CTNNA3: variants seen among roughly 807,000 people sequenced by gnomAD.
The protein encoded by CTNNA3 is catenin alpha-3.
A neutral mutation model predicts 95.7 loss-of-function variants in CTNNA3; 76 were observed. The ratio of observed to expected loss-of-function variants is 0.79; its 90% CI spans 0.66 to 0.96. The LOEUF (loss-of-function observed/expected upper bound fraction) is 0.96. Among genes scored for constraint, CTNNA3 ranks in the 40% least tolerant of loss-of-function variants. The pLI, the probability that CTNNA3 is intolerant of heterozygous loss-of-function variation, is 0.00. For missense variants in CTNNA3, 1,191 were observed against 1,089.8 expected (o/e 1.09, Z -1.31); for synonymous variants, 431 against 374.4 (o/e 1.15, Z -1.74).
chr10:66,999,474 T>A (rs1264879604), intron 7 of CTNNA3, among the ~76,000 whole-genome samples: 1 of 152,000 alleles, frequency 6.6e-6, no homozygotes, highest in Admixed American at 6.6e-5. Flanking sequence ...TCATCTTGTA[T>A]GGATCAGAAC....
intron 11 of CTNNA3, among the ~76,000 whole-genome samples, chr10:66,455,889 C>T (rs2093491985): frequency 6.6e-6 from 1 of 152,156 alleles, no homozygotes; most frequent in Non-Finnish European, 1.5e-5. Flanking sequence ...GATCAACATA[C>T]AACAAAACAA....
intron 7 of CTNNA3, among the ~76,000 whole-genome samples, chr10:66,858,059 A>G (rs1012512510): frequency 6.6e-6 from 1 of 151,920 alleles, no homozygotes; most frequent in Admixed American, 6.6e-5. Context: ...GGCTGTTATT[A>G]TTTTGAAGTA....
chr10:67,440,475 C>A (rs1031199052), intron 5 of CTNNA3, among the ~76,000 whole-genome samples: 3 of 152,030 alleles, frequency 2.0e-5, no homozygotes, highest in Non-Finnish European at 4.4e-5. Flanking sequence ...GATTGTAGAA[C>A]CCTAGAATGA....
At chr10:66,189,451 A>G (rs994458701) in intron 13 of CTNNA3, among the ~76,000 whole-genome samples, 1 of 151,660 alleles carries the variant, frequency 6.6e-6, no homozygotes, top group African/African-American at 2.4e-5. Context: ...TCCAAACACC[A>G]TTTATTTCCC....
chr10:67,736,390 C>A (rs960210738), intron 1 of CTNNA3, among the ~76,000 whole-genome samples: 1 of 151,538 alleles, frequency 6.6e-6, no homozygotes, highest in Admixed American at 6.6e-5. Flanking sequence ...TTTAATGTTC[C>A]TGAATAGTTC....
intron 12 of CTNNA3, among the ~76,000 whole-genome samples, chr10:66,290,797 C>T (rs2091668640): frequency 6.6e-6 from 1 of 152,080 alleles, no homozygotes; most frequent in African/African-American, 2.4e-5. Flanking sequence ...AAGTGAGTCA[C>T]AAATTATTCG....
intron 12 of CTNNA3, among the ~76,000 whole-genome samples, chr10:66,289,761 A>C (rs2091648256): frequency 6.6e-6 from 1 of 152,074 alleles, no homozygotes; most frequent in Non-Finnish European, 1.5e-5. Context: ...AAGTCTATAC[A>C]AGAAAATGAA....
intron 15 of CTNNA3, among the ~76,000 whole-genome samples, chr10:66,043,403 T>G (rs2079750295): frequency 1.3e-5 from 2 of 152,200 alleles, no homozygotes; most frequent in Non-Finnish European, 2.9e-5. Flanking sequence ...CATGTCTTTT[T>G]TTAGGTTAAT....
chr10:66,259,832 G>C (rs569137991), intron 13 of CTNNA3, among the ~76,000 whole-genome samples: 4 of 152,278 alleles, frequency 2.6e-5, no homozygotes, highest in African/African-American at 9.6e-5. Flanking sequence ...CTATGATAGA[G>C]TCTATTTCTA....
chr10:65,934,853 C>G (rs1214468754), intron 17 of CTNNA3, among the ~76,000 whole-genome samples: 1 of 151,854 alleles, frequency 6.6e-6, no homozygotes, highest in Non-Finnish European at 1.5e-5. Flanking sequence ...GATTGAGGAC[C>G]GATATAAGAT....
intron 2 of CTNNA3, among the ~76,000 whole-genome samples, chr10:67,625,356 C>T (rs1838918919): frequency 6.6e-6 from 1 of 152,172 alleles, no homozygotes; most frequent in African/African-American, 2.4e-5. Context: ...AACACCTCCT[C>T]AACCATCTGT....
At chr10:66,825,159 T>C (rs1270085689) in intron 7 of CTNNA3, among the ~76,000 whole-genome samples, 2 of 150,092 alleles carry the variant, frequency 1.3e-5, no homozygotes, top group East Asian at 3.9e-4. Context: ...AGAACAATGC[T>C]TGACATATAG....
At chr10:67,563,364 C>G (rs769433468) in intron 3 of CTNNA3, among the ~76,000 whole-genome samples, 34 of 152,276 alleles carry the variant, frequency 2.2e-4, no homozygotes, top group Middle Eastern at 3.4e-3. Flanking sequence ...TGATCTTTGA[C>G]AAACCTGAGA....
At chr10:66,996,348 T>C (rs888650291) in intron 7 of CTNNA3, among the ~76,000 whole-genome samples, 1 of 152,106 alleles carries the variant, frequency 6.6e-6, no homozygotes, top group Non-Finnish European at 1.5e-5. Flanking sequence ...TAAGCTTGTT[T>C]AATAATGCAT....
At chr10:67,305,212 C>T (rs1272035256) in intron 5 of CTNNA3, among the ~76,000 whole-genome samples, 3 of 151,954 alleles carry the variant, frequency 2.0e-5, no homozygotes, top group Non-Finnish European at 4.4e-5. Context: ...GGAGGTGGAG[C>T]TTGCAGTGAG....
chr10:67,603,777 G>A (rs1019074450), intron 3 of CTNNA3, among the ~76,000 whole-genome samples: 5 of 152,052 alleles, frequency 3.3e-5, no homozygotes, highest in Non-Finnish European at 5.9e-5. Context: ...AGTAAGCTAC[G>A]GTTAACTTAT....
At chr10:67,706,278 G>A (rs1392406496) in intron 1 of CTNNA3, among the ~76,000 whole-genome samples, 3 of 152,046 alleles carry the variant, frequency 2.0e-5, no homozygotes, top group African/African-American at 7.2e-5. Flanking sequence ...TCTGGAGCTT[G>A]TAAGCACATA....
intron 5 of CTNNA3, among the ~76,000 whole-genome samples, chr10:67,473,684 A>G (rs973310364): frequency 2.0e-5 from 3 of 152,188 alleles, no homozygotes; most frequent in Middle Eastern, 3.2e-3. Flanking sequence ...GAAACATTGG[A>G]AAAAAATTAA....
At chr10:67,127,826 T>G (rs959886057) in intron 7 of CTNNA3, among the ~76,000 whole-genome samples, 1 of 152,080 alleles carries the variant, frequency 6.6e-6, no homozygotes, top group African/African-American at 2.4e-5. Flanking sequence ...TCAAACTTGG[T>G]AGGAAAGAAC....
Sources: allele counts gnomAD v4.1 joint callset (sites outside exome capture counted in the v4.1 genomes callset), GRCh38; gene constraint gnomAD v4.1.1; transcripts MANE v1.5; gene names NCBI Gene and HGNC (gene_info 2026-07-23, HGNC 2026-07-21).